Variants in RYK observed in about 807,000 individuals in gnomAD.
RYK encodes receptor like tyrosine kinase.
RYK carries 21 observed loss-of-function variants against 70.2 expected under a neutral mutation model. The observed-to-expected ratio is 0.30, with a 90% CI of 0.21 to 0.43. The LOEUF is 0.43. Among genes scored for constraint, RYK ranks in the 20% least tolerant of loss-of-function variants. The pLI is 1.00. For synonymous variants in RYK, 267 were observed against 278.0 expected (o/e 0.96, Z 0.39); for missense variants, 604 against 753.3 (o/e 0.80, Z 2.32).
chr3:134,197,557 T>A (rs1201342914), intron 6 of RYK, among the ~76,000 whole-genome samples: 1 of 152,204 alleles, frequency 6.6e-6, no homozygotes, highest in African/African-American at 2.4e-5. Context: ...ATATTATGCA[T>A]CTCCAGTCGT....
At chr3:134,249,926 T>TGG in intron 1 of RYK, among the ~76,000 whole-genome samples, 1 of 146,220 alleles carries the variant, frequency 6.8e-6, no homozygotes, top group East Asian at 2.0e-4. Context: ...CGTTTTTTTT[T>TGG]TTTTTTTTTT....
Position 134,250,508 on chromosome 3 carries a change from G to A in RYK, c.147C>T (p.Ala49=), listed in dbSNP as rs139860270. 168,193 of 1,246,878 alleles carry A rather than the reference G, an allele frequency of 0.13. 14,085 individuals carry two copies. Among genetic ancestry groups the A allele is most frequent in the East Asian group, 0.51 (15,667 of 30,558 alleles). 77.2% of individuals were successfully genotyped at this position (1,246,878 alleles called of 1,614,324 possible). The change falls in exon 1 of 15, where the codon GCC becomes GCT. Residue 49 remains alanine (A), a synonymous_variant. Coordinates refer to ENST00000623711, the MANE Select transcript of RYK (RefSeq NM_002958.4). ...CCGACTGCAGCTCCGGGGGCCGCGG[G>A]GCGGGGGCGGCGGCAGCGCCAGGCG... is the stretch of plus-strand genomic sequence containing the variant. ...LPAPGAAAAP[A]PRPPELQSAS...
intron 2 of RYK, 140 bp downstream of exon 2, chr3:134,222,278 A>T: frequency 1.2e-6 from 1 of 862,288 alleles, no homozygotes. Flanking sequence ...TTGAAATATA[A>T]ATCTGAAAAG....
At chr3:134,206,293 AT>A (rs1279048995) in intron 5 of RYK, among the ~76,000 whole-genome samples, 1 of 152,198 alleles carries the variant, frequency 6.6e-6, no homozygotes, top group Non-Finnish European at 1.5e-5. Context: ...TCTAAATCTA[AT>A]CAAGTGCAAA....
intron 6 of RYK, among the ~76,000 whole-genome samples, chr3:134,200,343 T>C (rs191555183): frequency 3.7e-4 from 56 of 152,086 alleles, no homozygotes; most frequent in Admixed American, 3.1e-3. Flanking sequence ...TTAAGAGCTA[T>C]AACACTCACT....
chr3:134,224,247 G>A (rs2014820239), intron 1 of RYK, among the ~76,000 whole-genome samples: 1 of 152,154 alleles, frequency 6.6e-6, no homozygotes, highest in African/African-American at 2.4e-5. Flanking sequence ...GGTAAGGAGT[G>A]TGAGTCATCT....
In RYK at chr3:134,175,724, G is replaced by C. The variant is rs1560003431; in HGVS notation, c.1460C>G (p.Ser487Cys). 1 of 1,613,916 alleles carries C rather than the reference G, an allele frequency of 6.2e-7. No homozygotes were observed. Among genetic ancestry groups the C allele is most frequent in the Non-Finnish European group, 8.5e-7 (1 of 1,179,838 alleles). ...ATAGTCCATGGGGAACAAGTCTCTG[G>C]AGAGGGCATTGTCTGTGATCTTAAC... ...LQVKITDNAL[S>C]RDLFPMDYHC... is the part of the protein sequence containing the mutation. Residue 487 changes from serine to cysteine, a missense_variant, in exon 13 of 15, where the codon TCC (serine) becomes TGC (cysteine). Coordinates refer to ENST00000623711, the MANE Select transcript of RYK (RefSeq NM_002958.4).
intron 1 of RYK, among the ~76,000 whole-genome samples, chr3:134,231,431 T>A (rs1221977915): frequency 6.6e-6 from 1 of 152,184 alleles, no homozygotes; most frequent in Non-Finnish European, 1.5e-5. Context: ...CCATGCCTCC[T>A]AAGTAGGGAA....
At chr3:134,209,948 A>G in intron 3 of RYK, 119 bp from the exon 4 acceptor site, 2 of 767,164 alleles carry the variant, frequency 2.6e-6, no homozygotes, top group Non-Finnish European at 4.0e-6. Context: ...AACTAAAAGT[A>G]ATACATTTAA....
At chr3:134,214,618 G>A (rs1253313010) in intron 2 of RYK, among the ~76,000 whole-genome samples, 1 of 152,178 alleles carries the variant, frequency 6.6e-6, no homozygotes, top group East Asian at 1.9e-4. Context: ...CAGCACTGCT[G>A]AAGGAAATCC....
rs148371469 is a variant in RYK at position 134,194,106 on chromosome 3, G to A, written c.889+976C>T. 1.1e-3 allele frequency among the ~76,000 whole-genome samples: 172 copies of A among 152,238 alleles called. 1 individual carries two copies. Among genetic ancestry groups the A allele is most frequent in the African/African-American group, 3.5e-3 (146 of 41,550 alleles). On this transcript the variant is annotated intron_variant, in intron 7 of 14. Coordinates refer to ENST00000623711, the MANE Select transcript of RYK (RefSeq NM_002958.4). The stretch of plus-strand genomic sequence containing the variant: ...AACTATTTTATCAGGAGTTGCACAT[G>A]TGATTTTCTAATTATATAATTTCTT...
At position 134,190,862 on chromosome 3, in the gene RYK, C is replaced by T. The variant is rs534525594; in HGVS notation, c.1015+987G>A. Among the ~76,000 whole-genome samples the T allele has an allele frequency of 2.0e-5, 3 of 152,214 alleles. No homozygotes were observed. The East Asian group carries it at 5.8e-4, about 29-fold the overall frequency. On this transcript the variant is annotated intron_variant, in intron 8 of 14. Transcript: ENST00000623711. ...TTTTTTTATTCTTTAGGAAATGCTA[C>T]CTGGTCTACTTACTCTCTTCAGATT...
chr3:134,197,375 C>G (rs184140795), intron 6 of RYK, among the ~76,000 whole-genome samples: 16 of 152,264 alleles, frequency 1.1e-4, no homozygotes, highest in Admixed American at 9.8e-4. Context: ...TCCTCTGGAA[C>G]CTCAAATTCC....
intron 2 of RYK, among the ~76,000 whole-genome samples, chr3:134,220,616 C>T (rs910528391): frequency 6.6e-5 from 10 of 152,170 alleles, no homozygotes; most frequent in African/African-American, 2.4e-4. Context: ...GCCACAAGTG[C>T]ACAAAAACTT....
chr3:134,160,618 A>C (rs2012429032), intron 13 of RYK, among the ~76,000 whole-genome samples: 1 of 152,214 alleles, frequency 6.6e-6, no homozygotes, highest in African/African-American at 2.4e-5. Context: ...CTGTAATCCC[A>C]GCACTTTGGG....
In RYK at chr3:134,195,153, A is replaced by T; in HGVS notation, c.818T>A (p.Leu273Gln). 1 of 1,613,222 alleles carries T rather than the reference A, an allele frequency of 6.2e-7. No individual in the cohort carries two copies. The highest frequency in any genetic ancestry group is 8.5e-7 in the Non-Finnish European group (1 of 1,179,474). Residue 273 changes from leucine (L) to glutamine (Q), a missense_variant, in exon 7 of 15, where the codon CTG becomes CAG. Leu to Gln is a moderately radical substitution (Grantham distance 113, BLOSUM62 -2). This residue lies in a region of RYK where 466 missense variants were observed against 535.9 expected (regional missense o/e 0.87). Transcript: ENST00000623711. The part of the protein sequence containing the change: ...SISASSSSQG[L>Q]SQPSTQTTQY... ...AGTCGTCTGGGTGGATGGCTGAGAC[A>T]GCCCTTGGGAACTACTGCTGGCACT...
At chr3:134,246,347 G>A (rs1426058025) in intron 1 of RYK, among the ~76,000 whole-genome samples, 3 of 130,778 alleles carry the variant, frequency 2.3e-5, no homozygotes, top group South Asian at 2.7e-4. Flanking sequence ...CACACACAGA[G>A]AGAGAGAAAA....
rs553588524 is a variant in RYK, at chr3:134,158,761, CA to C, written c.1712+475del. ...TGTTTATCCCATTCTCATTACATGG[CA>C]AGATAAGCTATGTGATAGAAGCAGG... On this transcript the variant is annotated intron_variant, in intron 14 of 14. Transcript: ENST00000623711. Among the ~76,000 whole-genome samples the C allele has an allele frequency of 1.1e-3, 166 of 152,262 alleles. 3 individuals are homozygous for C. Among genetic ancestry groups the C allele is most frequent in the African/African-American group, 3.8e-3 (159 of 41,540 alleles).
chr3:134,174,126 G>C (rs976358913), intron 13 of RYK, among the ~76,000 whole-genome samples: 1 of 152,210 alleles, frequency 6.6e-6, no homozygotes, highest in African/African-American at 2.4e-5. Context: ...ACTTGGAACA[G>C]AGGGATGGAA....
Sources: gnomAD v4.1 joint callset for allele counts (sites outside exome capture counted in the v4.1 genomes callset) on GRCh38, gnomAD v4.1.1 for gene constraint, gnomAD v4.1.1 regional missense constraint, MANE v1.5 for transcripts, NCBI Gene and HGNC (gene_info 2026-07-23, HGNC 2026-07-21) for gene names.